FAF1: variants seen among roughly 807,000 people sequenced by gnomAD.
The protein encoded by FAF1 is Fas associated factor 1, also known as FAS-associated factor 1.
Under a neutral mutation model 92.5 loss-of-function variants are expected in FAF1, and 25 were observed. That is an observed-to-expected ratio of 0.27 (90% confidence interval 0.20 to 0.38). The LOEUF is 0.38. FAF1 is among the 10% of genes least tolerant of loss of function. FAF1 has a pLI of 1.00. For missense variants in FAF1, 636 were observed against 793.3 expected (o/e 0.80, Z 2.38); for synonymous variants, 234 against 273.2 (o/e 0.86, Z 1.42).
At chr1:50,558,867 T>G (rs769665948) in intron 13 of FAF1, among the ~76,000 whole-genome samples, 1 of 152,198 alleles carries the variant, frequency 6.6e-6, no homozygotes, top group Non-Finnish European at 1.5e-5. Context: ...ACTGTAGTAC[T>G]AGGTAGGAGT....
At chr1:50,894,475 A>G (rs1415162157) in intron 1 of FAF1, among the ~76,000 whole-genome samples, 1 of 152,104 alleles carries the variant, frequency 6.6e-6, no homozygotes, top group African/African-American at 2.4e-5. Context: ...AGGGACCCCA[A>G]GAGCCTACCT....
At position 50,795,402 on chromosome 1, in the gene FAF1, TCTAA is replaced by T. The variant is rs1661713138; in HGVS notation, c.161+6225_161+6228del. Among the ~76,000 whole-genome samples the T allele has an allele frequency of 2.0e-5, 3 of 152,182 alleles. No individual in the cohort carries two copies. In the South Asian group the frequency reaches 6.2e-4, roughly 32 times the overall value. ...TGATGGCTTCCCACACAACCTTGGT[TCTAA>T]CTAAGGAACTTGTTTCACAGCAAAA... On this transcript the variant is annotated intron_variant, in intron 3 of 18. Coordinates refer to ENST00000396153, the MANE Select transcript of FAF1 (RefSeq NM_007051.3).
At chr1:50,679,633 A>T (rs1656335711) in intron 7 of FAF1, among the ~76,000 whole-genome samples, 1 of 152,218 alleles carries the variant, frequency 6.6e-6, no homozygotes. Context: ...TTTAGAGATC[A>T]TCTTTCATTC....
At chr1:50,951,693 T>C (rs1244346112) in intron 1 of FAF1, among the ~76,000 whole-genome samples, 1 of 152,034 alleles carries the variant, frequency 6.6e-6, no homozygotes, top group East Asian at 1.9e-4. Flanking sequence ...CTTTAATAAA[T>C]AAAGAGGACA....
intron 4 of FAF1, among the ~76,000 whole-genome samples, chr1:50,785,838 A>T (rs531302859): frequency 6.6e-6 from 1 of 152,190 alleles, no homozygotes; most frequent in African/African-American, 2.4e-5. Flanking sequence ...AAATATCCAC[A>T]CTCCCATGGC....
At chr1:50,778,438 G>C (rs1018836960) in intron 4 of FAF1, among the ~76,000 whole-genome samples, 1 of 152,016 alleles carries the variant, frequency 6.6e-6, no homozygotes, top group Non-Finnish European at 1.5e-5. Context: ...AAAAATCTAG[G>C]TATAGCTTTT....
At chr1:50,958,319 A>T (rs1645286666) in intron 1 of FAF1, among the ~76,000 whole-genome samples, 1 of 152,220 alleles carries the variant, frequency 6.6e-6, no homozygotes, top group South Asian at 2.1e-4. Flanking sequence ...TAATACCTGT[A>T]TATCAGATTT....
intron 4 of FAF1, among the ~76,000 whole-genome samples, chr1:50,772,729 C>CA (rs1347995815): frequency 6.6e-6 from 1 of 151,898 alleles, no homozygotes; most frequent in Non-Finnish European, 1.5e-5. Context: ...GGGTGAAGAT[C>CA]AAAAAAACTA....
intron 8 of FAF1, among the ~76,000 whole-genome samples, chr1:50,646,194 G>C (rs1246895851): frequency 6.6e-6 from 1 of 152,070 alleles, no homozygotes; most frequent in Non-Finnish European, 1.5e-5. Context: ...AACTTGGACT[G>C]GTTTGCTCAA....
At chr1:50,518,076 T>C (rs1190090617) in intron 15 of FAF1, among the ~76,000 whole-genome samples, 2 of 152,152 alleles carry the variant, frequency 1.3e-5, no homozygotes, top group African/African-American at 4.8e-5. Flanking sequence ...TACGAAACAG[T>C]TTCATCATAC....
In FAF1 at chr1:50,460,853, A is replaced by G. The variant is rs1646419800; in HGVS notation, c.1869+14611T>C. On this transcript the variant is annotated intron_variant, in intron 18 of 18. Coordinates refer to ENST00000396153, the MANE Select transcript of FAF1 (RefSeq NM_007051.3). ...GTGTGTGCAGAGAAAGGGTCTCACT[A>G]TGTTGCTCAGGCAGGTCTCAAATTC... Among the ~76,000 whole-genome samples the G allele has an allele frequency of 2.6e-5, 4 of 151,830 alleles. No individual in the cohort carries two copies. The South Asian group carries it at 8.3e-4, about 32-fold the overall frequency.
At chr1:50,534,344 G>C (rs1229449694) in intron 15 of FAF1, among the ~76,000 whole-genome samples, 1 of 152,068 alleles carries the variant, frequency 6.6e-6, no homozygotes, top group Non-Finnish European at 1.5e-5. Flanking sequence ...ACAGTGGCAT[G>C]ATCTTGGCTC....
chr1:50,596,799 C>G (rs1651842575), intron 8 of FAF1, among the ~76,000 whole-genome samples: 2 of 152,142 alleles, frequency 1.3e-5, no homozygotes, highest in Admixed American at 1.3e-4. Context: ...GTCAATGATG[C>G]TTCAGGTTCT....
intron 18 of FAF1, chr1:50,451,667 G>C (rs1340233011): frequency 5.9e-6 from 1 of 170,752 alleles, no homozygotes; most frequent in African/African-American, 2.4e-5. Context: ...ATTACCTTAG[G>C]CATTTGGGTG....
At chr1:50,510,108 G>A (rs1204595894) in intron 15 of FAF1, among the ~76,000 whole-genome samples, 1 of 150,296 alleles carries the variant, frequency 6.7e-6, no homozygotes, top group Non-Finnish European at 1.5e-5. Context: ...GGGGGTTGCA[G>A]TGAGCCGAGA....
rs565633222 is a variant in FAF1 at position 50,725,164 on chromosome 1, T to C, written c.551+13699A>G. Among the ~76,000 whole-genome samples, 10 of 152,350 alleles carry C rather than the reference T, an allele frequency of 6.6e-5. No individual in the cohort carries two copies. In the East Asian group the frequency reaches 1.9e-3, roughly 29 times the overall value. ...GCTACTGATTTCTATGTGTCTAATCTACTGCTAAGAACCTTAGAAGAAAGG... is the reference window on the plus strand; with the variant it reads ...GCTACTGATTTCTATGTGTCTAATCCACTGCTAAGAACCTTAGAAGAAAGG... On this transcript the variant is annotated intron_variant, in intron 6 of 18. Coordinates refer to ENST00000396153, the MANE Select transcript of FAF1 (RefSeq NM_007051.3).
intron 6 of FAF1, among the ~76,000 whole-genome samples, chr1:50,712,481 C>G (rs1657974647): frequency 6.6e-6 from 1 of 152,014 alleles, no homozygotes; most frequent in Non-Finnish European, 1.5e-5. Context: ...CATGGTGAAA[C>G]CCTGTTACTA....
chr1:50,768,228 A>C (rs1660649656), intron 4 of FAF1, among the ~76,000 whole-genome samples: 1 of 152,236 alleles, frequency 6.6e-6, no homozygotes, highest in African/African-American at 2.4e-5. Flanking sequence ...TAAAGGGTTC[A>C]ATTCAACAAG....
At chr1:50,684,481 C>T (rs1656565363) in intron 7 of FAF1, among the ~76,000 whole-genome samples, 1 of 152,116 alleles carries the variant, frequency 6.6e-6, no homozygotes, top group Admixed American at 6.6e-5. Flanking sequence ...TCGAGGCATT[C>T]AGGCAGAGAT....
Sources: gnomAD v4.1 joint callset for allele counts (sites outside exome capture counted in the v4.1 genomes callset) on GRCh38, gnomAD v4.1.1 for gene constraint, MANE v1.5 for transcripts, NCBI Gene and HGNC (gene_info 2026-07-23, HGNC 2026-07-21) for gene names.